Variants in DNAAF10 observed in about 807,000 individuals in gnomAD.
DNAAF10 encodes the protein dynein axonemal assembly factor 10.
DNAAF10 carries 28 observed loss-of-function variants against 43.7 expected under a neutral mutation model. The ratio of observed to expected loss-of-function variants is 0.64; its 90% CI spans 0.48 to 0.88. The LOEUF (loss-of-function observed/expected upper bound fraction) is 0.88, where lower values mean the gene tolerates loss of function less well. DNAAF10 is among the 40% of genes least tolerant of loss of function. The pLI is 0.00. For synonymous variants in DNAAF10, 156 were observed against 157.3 expected (o/e 0.99, Z 0.06); for missense variants, 403 against 439.1 (o/e 0.92, Z 0.73).
chr2:68,136,221 A>G (rs1215938835), intron 6 of DNAAF10, among the ~76,000 whole-genome samples: 7 of 130,578 alleles, frequency 5.4e-5, no homozygotes, highest in Admixed American at 1.5e-4. Flanking sequence ...CTGTCTCCAG[A>G]AAAAAAAAAA....
chr2:68,154,211 A>T (rs556367110), intron 1 of DNAAF10, among the ~76,000 whole-genome samples: 2 of 152,232 alleles, frequency 1.3e-5, no homozygotes, highest in East Asian at 3.9e-4. Context: ...AGAAAAAAAG[A>T]ATATCCAAAG....
intron 3 of DNAAF10, 94 bp downstream of exon 3, chr2:68,144,491 A>G: frequency 6.7e-7 from 1 of 1,501,812 alleles, no homozygotes; most frequent in Non-Finnish European, 9.0e-7. Context: ...AGTCAAGGTG[A>G]CTGAAGGGGA....
At chr2:68,138,950 T>C (rs188905962) in intron 4 of DNAAF10, 93 bp from the exon 5 acceptor site, 21 of 868,882 alleles carry the variant, frequency 2.4e-5, no homozygotes, top group Middle Eastern at 4.5e-4. Flanking sequence ...ATAAAACTTA[T>C]ATTAAATCAG....
At chr2:68,141,005 C>T (rs571388011) in intron 4 of DNAAF10, among the ~76,000 whole-genome samples, 14 of 152,140 alleles carry the variant, frequency 9.2e-5, no homozygotes, top group African/African-American at 2.7e-4. Context: ...ATGAGAACTC[C>T]GCCCCCATTA....
At chr2:68,143,178 A>T in intron 3 of DNAAF10, among the ~76,000 whole-genome samples, 1 of 150,504 alleles carries the variant, frequency 6.6e-6, no homozygotes, top group African/African-American at 2.5e-5. Flanking sequence ...TGTTTTAAAA[A>T]GAAAAAAAAA....
chr2:68,141,431 A>G (rs1157157909), intron 4 of DNAAF10, among the ~76,000 whole-genome samples: 3 of 152,224 alleles, frequency 2.0e-5, no homozygotes, highest in Non-Finnish European at 4.4e-5. Context: ...AGTAAATTCT[A>G]TTATTAATTC....
intron 7 of DNAAF10, chr2:68,134,329 T>C (rs988264186): frequency 9.6e-7 from 1 of 1,043,076 alleles, no homozygotes; most frequent in East Asian, 1.1e-4. Context: ...TCAGGCTCTG[T>C]TGGGGTCTAT....
intron 7 of DNAAF10, among the ~76,000 whole-genome samples, chr2:68,133,151 C>T (rs1415356247): frequency 6.6e-6 from 1 of 152,214 alleles, no homozygotes; most frequent in African/African-American, 2.4e-5. Context: ...CAAGTGATCT[C>T]TCTACCCCAC....
Position 68,137,349 on chromosome 2 carries a change from C to CA in DNAAF10, c.717dup (p.Asp240Ter). 1 of 1,613,562 alleles carries CA rather than the reference C, an allele frequency of 6.2e-7. No individual in the cohort carries two copies. ...TTGGTTGGATGCTGTGTTCTCATGT[C>CA]AAAAACATGGAACTTTCCTTCCAGA... On this transcript the variant is annotated frameshift_variant, in exon 6 of 8. Transcript: ENST00000295121. LOFTEE classifies it high-confidence loss of function.
At chr2:68,152,525 G>A (rs1673483076) in intron 1 of DNAAF10, among the ~76,000 whole-genome samples, 1 of 151,938 alleles carries the variant, frequency 6.6e-6, no homozygotes, top group Admixed American at 6.6e-5. Context: ...GTTCACAAAC[G>A]GGTTCCCTCT....
chr2:68,139,170 C>T (rs563007690), intron 4 of DNAAF10, among the ~76,000 whole-genome samples: 2 of 152,086 alleles, frequency 1.3e-5, no homozygotes, highest in Admixed American at 6.6e-5. Context: ...CTGGATCCCT[C>T]GTGAATGGCT....
chr2:68,144,507 T>C, intron 3 of DNAAF10, 78 bp downstream of exon 3: 1 of 1,557,386 alleles, frequency 6.4e-7, no homozygotes, highest in Non-Finnish European at 8.6e-7. Context: ...GGGGATTTTT[T>C]ACTCAGAGAG....
intron 6 of DNAAF10, among the ~76,000 whole-genome samples, chr2:68,136,135 T>C (rs1673035481): frequency 6.6e-6 from 1 of 150,862 alleles, no homozygotes; most frequent in African/African-American, 2.4e-5. Context: ...GGAGGATCAC[T>C]TGAGCCCAGG....
At chr2:68,134,882 C>T (rs536024674) in intron 6 of DNAAF10, 83 bp from the exon 7 acceptor site, 1 of 1,460,314 alleles carries the variant, frequency 6.8e-7, no homozygotes, top group Admixed American at 2.0e-5. Context: ...AAAACTCTTA[C>T]AACTATAATT....
chr2:68,152,226 C>T (rs1013404717), intron 1 of DNAAF10, among the ~76,000 whole-genome samples: 3 of 152,096 alleles, frequency 2.0e-5, no homozygotes, highest in Admixed American at 6.6e-5. Context: ...GTTCTTTGTC[C>T]TTTTCTTAAA....
chr2:68,130,115 G>GAGAGATATATAT lies in DNAAF10; in HGVS notation c.*1122_*1123insATATATATCTCT, dbSNP rs1453152500. 2 of 132,944 alleles carry GAGAGATATATAT rather than the reference G, an allele frequency of 1.5e-5. No homozygotes were observed. The highest frequency in any genetic ancestry group is 5.8e-5 in the African/African-American group (2 of 34,308). The allele number at this position is 132,944 out of a possible 1,614,324, so 8.2% of individuals were successfully genotyped here. On this transcript the variant is annotated 3_prime_UTR_variant, in exon 8 of 8. Transcript: ENST00000295121. Reference sequence around the variant, plus strand: ...CAACCGTGCCGTTTTGAGAGAGAGAGATATATATATATATATTTGTTTTTT... The same window carrying GAGAGATATATAT: ...CAACCGTGCCGTTTTGAGAGAGAGAGAGAGATATATATATATATATATATATATTTGTTTTTT...
chr2:68,154,596 T>TTCTTC (rs1673543857), intron 1 of DNAAF10, among the ~76,000 whole-genome samples: 1 of 152,182 alleles, frequency 6.6e-6, no homozygotes, highest in Admixed American at 6.5e-5. Context: ...GGGTGATATT[T>TTCTTC]TCTTCGTTTT....
intron 6 of DNAAF10, among the ~76,000 whole-genome samples, chr2:68,136,336 A>ATTTATGT (rs1284196979): frequency 6.6e-6 from 1 of 152,150 alleles, no homozygotes; most frequent in Admixed American, 6.5e-5. Context: ...TAGTAAAGTG[A>ATTTATGT]TTTATGTTGT....
intron 4 of DNAAF10, among the ~76,000 whole-genome samples, chr2:68,140,908 T>C (rs1673162158): frequency 6.6e-6 from 1 of 152,200 alleles, no homozygotes; most frequent in Non-Finnish European, 1.5e-5. Context: ...AATACAACAA[T>C]GACTGACACA....
Sources: gnomAD v4.1 joint callset for allele counts (sites outside exome capture counted in the v4.1 genomes callset) on GRCh38, gnomAD v4.1.1 for gene constraint, MANE v1.5 for transcripts, NCBI Gene and HGNC (gene_info 2026-07-23, HGNC 2026-07-21) for gene names.